SYDE2: variants seen among roughly 807,000 people sequenced by gnomAD.
The protein encoded by SYDE2 is synapse defective Rho GTPase homolog 2.
In SYDE2, 76 loss-of-function variants were observed where a neutral mutation model predicts 91.5. The ratio of observed to expected loss-of-function variants is 0.83; its 90% CI spans 0.69 to 1.01. The LOEUF (loss-of-function observed/expected upper bound fraction) is 1.01, where lower values mean the gene tolerates loss of function less well. Among genes scored for constraint, SYDE2 ranks in the 50% least tolerant of loss-of-function variants. The probability of loss-of-function intolerance (pLI) is 0.00; values close to 1 mark genes in which losing one functional copy is unlikely to be tolerated. For synonymous variants in SYDE2, 513 were observed against 506.4 expected (o/e 1.01, Z -0.18); for missense variants, 1,364 against 1,367.7 (o/e 1.00, Z 0.04).
chr1:85,195,326 C>T (rs1448963999), intron 1 of SYDE2, among the ~76,000 whole-genome samples: 1 of 152,038 alleles, frequency 6.6e-6, no homozygotes, highest in Non-Finnish European at 1.5e-5. Context: ...AAGCATTAAA[C>T]ATTTTAATAT....
intron 1 of SYDE2, among the ~76,000 whole-genome samples, chr1:85,199,884 A>G (rs575189481): frequency 1.1e-4 from 17 of 152,296 alleles, no homozygotes; most frequent in Non-Finnish European, 1.9e-4. Context: ...GGATTTGCCT[A>G]GAGCTACAAA....
Position 85,198,297 on chromosome 1 carries a change from G to C in SYDE2, c.745+1955C>G, listed in dbSNP as rs1008870918. On this transcript the variant is annotated intron_variant, in intron 1 of 6. Coordinates refer to ENST00000341460, the MANE Select transcript of SYDE2 (RefSeq NM_032184.2). ...TTAAATGACAGCATATCTCCATTTT[G>C]GGGGCTATAAAAATTGTATGAGAAC... Among the ~76,000 whole-genome samples the C allele has an allele frequency of 4.6e-5, 7 of 152,170 alleles. 1 individual carries two copies. The highest frequency in any genetic ancestry group is 6.8e-3 in the Middle Eastern group (2 of 294).
rs781626412 is a variant in SYDE2 at position 85,190,625 on chromosome 1, T to C, written c.873A>G (p.Leu291=). The C allele has an allele frequency of 1.5e-4, 240 of 1,613,964 alleles. 1 individual carries two copies. The Middle Eastern group carries it at 5.8e-3, about 39-fold the overall frequency. Residue 291 remains leucine, a synonymous_variant, in exon 2 of 7, where the codon CTA becomes CTG. Coordinates refer to ENST00000341460, the MANE Select transcript of SYDE2 (RefSeq NM_032184.2). The part of the protein sequence containing the change: ...SITVSKKRNW[L]YQSTLRPLNL... ...TAAGAGGCCTCAGAGTACTCTGATATAGCCAATTGCGTTTCTTTGAAACAG... is the reference window on the plus strand; with the variant it reads ...TAAGAGGCCTCAGAGTACTCTGATACAGCCAATTGCGTTTCTTTGAAACAG...
chr1:85,171,141 T>A (rs995418691), intron 4 of SYDE2, among the ~76,000 whole-genome samples: 4 of 152,176 alleles, frequency 2.6e-5, no homozygotes, highest in Admixed American at 1.3e-4. Flanking sequence ...GCTTAAGGTA[T>A]CTATGGGGCA....
chr1:85,179,195 A>T (rs937395057), intron 3 of SYDE2, among the ~76,000 whole-genome samples: 1 of 152,206 alleles, frequency 6.6e-6, no homozygotes, highest in African/African-American at 2.4e-5. Flanking sequence ...CTTTGAACTG[A>T]AGGAAAAATT....
At chr1:85,168,489 C>T (rs934893592) in intron 5 of SYDE2, among the ~76,000 whole-genome samples, 1 of 152,152 alleles carries the variant, frequency 6.6e-6, no homozygotes, top group African/African-American at 2.4e-5. Flanking sequence ...TTCTGAAGAC[C>T]TACCTATCCT....
rs138538340 is a variant in SYDE2 at position 85,160,391 on chromosome 1, G to A, written c.3086-1142C>T. ...GATTTTATTGAAATATTTGATAACT[G>A]TACACAGGTATGTTTTTAACATTTC... On this transcript the variant is annotated intron_variant, in intron 6 of 6. Transcript: ENST00000341460. 24 of 877,430 alleles carry A rather than the reference G, an allele frequency of 2.7e-5. No individual in the cohort carries two copies. In the East Asian group the frequency reaches 2.4e-3, roughly 89 times the overall value. The allele number at this position is 877,430 out of a possible 1,614,324, so 54.4% of individuals were successfully genotyped here.
rs1212064996 is a variant in SYDE2 at position 85,190,142 on chromosome 1, C to T, written c.1356G>A (p.Val452=). Residue 452 remains valine (V), a synonymous_variant, in exon 2 of 7, where the codon GTG becomes GTA. Transcript: ENST00000341460. ...GTCCTAGCTTTTGCTTGTACTGCTG[C>T]ACAAATTCTGTGGAATGGGCAGGAT... ...PIHPAHSTEF[V]QQYKQKLGHK... 1.2e-6 allele frequency: 2 copies of T among 1,613,880 alleles called. No individual in the cohort carries two copies. The highest frequency in any genetic ancestry group is 1.7e-6 in the Non-Finnish European group (2 of 1,179,912).
chr1:85,195,920 T>G (rs1177908115), intron 1 of SYDE2, among the ~76,000 whole-genome samples: 7 of 152,172 alleles, frequency 4.6e-5, no homozygotes, highest in African/African-American at 1.7e-4. Flanking sequence ...ACCTGAGGAC[T>G]GAGGCTACAC....
chr1:85,196,700 T>C (rs1243152662), intron 1 of SYDE2, among the ~76,000 whole-genome samples: 3 of 151,510 alleles, frequency 2.0e-5, no homozygotes, highest in Admixed American at 6.6e-5. Flanking sequence ...TCAAAAACTA[T>C]ATAACTATTG....
intron 5 of SYDE2, 54 bp from the exon 6 acceptor site, chr1:85,164,811 C>T: frequency 9.6e-7 from 1 of 1,043,228 alleles, no homozygotes; most frequent in South Asian, 3.6e-5. Context: ...AATTCAAGGA[C>T]ACAATTTATA....
At chr1:85,190,984 T>C (rs924179012) in intron 1 of SYDE2, among the ~76,000 whole-genome samples, 1 of 152,048 alleles carries the variant, frequency 6.6e-6, no homozygotes, top group Non-Finnish European at 1.5e-5. Flanking sequence ...AAAAAGGATA[T>C]ACAAACTCTG....
rs758363439 is a variant in SYDE2 at position 85,182,893 on chromosome 1, AG to A, written c.1748del (p.Ala583ValfsTer7). 1.7e-5 allele frequency: 28 copies of A among 1,613,668 alleles called. No individual in the cohort carries two copies. In the Admixed American group the frequency reaches 4.5e-4, roughly 26 times the overall value. On this transcript the variant is annotated frameshift_variant, in exon 3 of 7. Coordinates refer to ENST00000341460, the MANE Select transcript of SYDE2 (RefSeq NM_032184.2). LOFTEE classifies it high-confidence loss of function. ...ATCGGCTTATAACATTCCTCTTAGC[AG>A]CGGTGGTTGTGTTCCCAGAGGGCAG... ...DILPSGNTTT[A>X]AKRNVISRYH...
At chr1:85,163,768 G>C (rs1486472654) in intron 6 of SYDE2, among the ~76,000 whole-genome samples, 6 of 151,984 alleles carry the variant, frequency 3.9e-5, no homozygotes, top group Admixed American at 3.9e-4. Context: ...ATGCAGTGTG[G>C]GGTGAGAGTA....
chr1:85,198,833 C>T (rs1658700049), intron 1 of SYDE2, among the ~76,000 whole-genome samples: 1 of 151,778 alleles, frequency 6.6e-6, no homozygotes, highest in Non-Finnish European at 1.5e-5. Flanking sequence ...AATATTGTGG[C>T]AATAAAATAT....
chr1:85,164,455 C>T (rs1657191413), intron 6 of SYDE2, 71 bp downstream of exon 6: 4 of 1,085,948 alleles, frequency 3.7e-6, no homozygotes, highest in Non-Finnish European at 5.0e-6. Context: ...CATATATGAG[C>T]ATATTTAATG....
At position 85,157,622 on chromosome 1, in the gene SYDE2, G is replaced by C. The variant is rs1191657160; in HGVS notation, c.*1128C>G. ...AAATTTAAAAGATGACTTTTCCCAG[G>C]GGACATTGTGACTTTCTGTGAATAA... is the stretch of plus-strand genomic sequence containing the variant. On this transcript the variant is annotated 3_prime_UTR_variant, in exon 7 of 7. Coordinates refer to ENST00000341460, the MANE Select transcript of SYDE2 (RefSeq NM_032184.2). 1 of 152,018 alleles carries C rather than the reference G, an allele frequency of 6.6e-6. No homozygotes were observed. The highest frequency in any genetic ancestry group is 1.9e-4 in the East Asian group (1 of 5,192). 9.4% of individuals were successfully genotyped at this position (152,018 alleles called of 1,614,324 possible). A position where few individuals can be genotyped will look rare whatever the true frequency, so the allele number is the denominator to read the frequency against.
At chr1:85,165,958 C>T (rs1167515499) in intron 5 of SYDE2, among the ~76,000 whole-genome samples, 3 of 150,056 alleles carry the variant, frequency 2.0e-5, no homozygotes, top group Admixed American at 1.3e-4. Context: ...ACTGCAGCAC[C>T]GACCTTCCTG....
downstream of SYDE2, chr1:85,154,145 TAA>T (rs1427283230): frequency 6.6e-6 from 1 of 151,964 alleles, no homozygotes; most frequent in Non-Finnish European, 1.5e-5. Flanking sequence ...AGCCTCAAAT[TAA>T]GACTTGTTAT....
Sources: gnomAD v4.1 joint callset for allele counts (sites outside exome capture counted in the v4.1 genomes callset) on GRCh38, gnomAD v4.1.1 for gene constraint, MANE v1.5 for transcripts, NCBI Gene and HGNC (gene_info 2026-07-23, HGNC 2026-07-21) for gene names.